Variants in DCP1A observed in about 807,000 individuals in gnomAD.
DCP1A encodes the protein mRNA-decapping enzyme 1A.
A neutral mutation model predicts 58.0 loss-of-function variants in DCP1A; 20 were observed. The ratio of observed to expected loss-of-function variants is 0.34; its 90% CI spans 0.24 to 0.50. The LOEUF (loss-of-function observed/expected upper bound fraction) is 0.50, where lower values mean the gene tolerates loss of function less well. DCP1A is among the 20% of genes least tolerant of loss of function. DCP1A has a pLI of 0.98. For missense variants in DCP1A, 613 were observed against 712.2 expected, an observed-to-expected ratio of 0.86 and a Z score of 1.59; for synonymous variants, 285 against 275.1, an observed-to-expected ratio of 1.04 and a Z score of -0.36.
At chr3:53,345,074 G>T in intron 1 of DCP1A, 132 bp from the exon 2 acceptor site, 1 of 696,200 alleles carries the variant, frequency 1.4e-6, no homozygotes, top group Non-Finnish European at 2.4e-6. Flanking sequence ...AACCACTTTT[G>T]AACAGGTAAA....
chr3:53,293,934 G>A lies in DCP1A; in HGVS notation c.625-1107C>T, dbSNP rs573687590. ...GTAAGGGCCCCCCCACCGGACCCCC[G>A]CACACACACACACAAGGCAGAGTTG... is the stretch of plus-strand genomic sequence containing the variant. On this transcript the variant is annotated intron_variant, in intron 6 of 9. Coordinates refer to ENST00000610213, the MANE Select transcript of DCP1A (RefSeq NM_018403.7). 6.6e-5 allele frequency among the ~76,000 whole-genome samples: 10 copies of A among 151,768 alleles called. No individual in the cohort carries two copies. The East Asian group carries it at 1.2e-3, about 18-fold the overall frequency.
rs2106781510 is a variant in DCP1A at position 53,287,166 on chromosome 3, T to C, written c.*414A>G. 1 of 161,446 alleles carries C rather than the reference T, an allele frequency of 6.2e-6. No homozygotes were observed. Among genetic ancestry groups the C allele is most frequent in the African/African-American group, 2.4e-5 (1 of 41,758 alleles). 10.0% of individuals were successfully genotyped at this position (161,446 alleles called of 1,614,324 possible). On this transcript the variant is annotated 3_prime_UTR_variant, in exon 10 of 10. Coordinates refer to ENST00000610213, the MANE Select transcript of DCP1A (RefSeq NM_018403.7). ...GACTTGTCAGCCCAAAGCCCGTTTC[T>C]ATGGGGTAGGCTGGGGGAAGCGGTG...
chr3:53,334,767 G>T (rs546235726), intron 3 of DCP1A, among the ~76,000 whole-genome samples: 1 of 152,148 alleles, frequency 6.6e-6, no homozygotes, highest in Non-Finnish European at 1.5e-5. Flanking sequence ...CCCGTCACGC[G>T]CTGCAAATGC....
At chr3:53,303,467 A>T (rs1407579020) in intron 6 of DCP1A, among the ~76,000 whole-genome samples, 2 of 146,766 alleles carry the variant, frequency 1.4e-5, no homozygotes. Flanking sequence ...GGGTTTCGTC[A>T]ATTGGCCAGG....
At chr3:53,307,570 G>GA (rs1429870292) in intron 5 of DCP1A, among the ~76,000 whole-genome samples, 7 of 152,130 alleles carry the variant, frequency 4.6e-5, no homozygotes, top group Non-Finnish European at 8.8e-5. Context: ...GTACTTTAAT[G>GA]AAAGTTCTCA....
chr3:53,302,677 C>T (rs1707348032), intron 6 of DCP1A, among the ~76,000 whole-genome samples: 2 of 152,160 alleles, frequency 1.3e-5, no homozygotes, highest in South Asian at 2.1e-4. Context: ...GGCTGGAGTG[C>T]AGTGGCGCAA....
chr3:53,292,143 G>A lies in DCP1A; in HGVS notation c.1309C>T (p.Pro437Ser). 6.2e-7 allele frequency: 1 copy of A among 1,613,892 alleles called. No individual in the cohort carries two copies. The highest frequency in any genetic ancestry group is 8.5e-7 in the Non-Finnish European group (1 of 1,179,888). Residue 437 changes from proline (P) to serine (S), a missense_variant, in exon 7 of 10, where the codon CCT becomes TCT. Pro to Ser is a moderately conservative substitution (Grantham distance 74). Coordinates refer to ENST00000610213, the MANE Select transcript of DCP1A (RefSeq NM_018403.7). Reference protein sequence around the residue: ...QLATPESFIEPPSKTAAARVA... With the variant: ...QLATPESFIESPSKTAAARVA... ...CTTGCTGCTGCTGTCTTAGAGGGAG[G>A]CTCTATGAAGCTCTCAGGTGTGGCT... is the stretch of plus-strand genomic sequence containing the variant.
chr3:53,337,119 G>A (rs935302635), intron 3 of DCP1A, among the ~76,000 whole-genome samples: 6 of 152,022 alleles, frequency 3.9e-5, no homozygotes, highest in African/African-American at 9.7e-5. Context: ...TGATCCACCC[G>A]CCTTGGCCTC....
At chr3:53,333,736 T>A (rs1309175468) in intron 3 of DCP1A, among the ~76,000 whole-genome samples, 1 of 152,250 alleles carries the variant, frequency 6.6e-6, no homozygotes, top group Non-Finnish European at 1.5e-5. Flanking sequence ...AGTTTGCAAT[T>A]CTGACATATA....
intron 3 of DCP1A, among the ~76,000 whole-genome samples, chr3:53,328,110 A>T (rs1355521770): frequency 1.3e-5 from 2 of 151,824 alleles, no homozygotes; most frequent in Non-Finnish European, 2.9e-5. Flanking sequence ...ACAAGAGCAA[A>T]ACTCCGTCTC....
At chr3:53,338,192 C>T in intron 3 of DCP1A, 2 of 433,882 alleles carry the variant, frequency 4.6e-6, no homozygotes, top group Non-Finnish European at 4.6e-6. Context: ...ACCACTGCTA[C>T]TCAATAACTC....
chr3:53,300,894 T>A (rs1417265830), intron 6 of DCP1A, among the ~76,000 whole-genome samples: 1 of 152,156 alleles, frequency 6.6e-6, no homozygotes, highest in African/African-American at 2.4e-5. Flanking sequence ...GGGATCCGCC[T>A]GCCTCCACTT....
intron 5 of DCP1A, among the ~76,000 whole-genome samples, chr3:53,305,685 G>T (rs189663845): frequency 2.4e-4 from 36 of 152,064 alleles, no homozygotes; most frequent in Admixed American, 3.9e-4. Flanking sequence ...ACCTAGGAGT[G>T]GTACTTCTTG....
chr3:53,301,146 G>T (rs1470936099), intron 6 of DCP1A, among the ~76,000 whole-genome samples: 1 of 152,144 alleles, frequency 6.6e-6, no homozygotes, highest in Non-Finnish European at 1.5e-5. Context: ...AGTAAAAATG[G>T]GGTATGGGAA....
At chr3:53,296,861 G>A (rs1210724906) in intron 6 of DCP1A, among the ~76,000 whole-genome samples, 1 of 152,212 alleles carries the variant, frequency 6.6e-6, no homozygotes, top group Non-Finnish European at 1.5e-5. Flanking sequence ...GGAAGTATCT[G>A]TTTGAATGTC....
intron 1 of DCP1A, among the ~76,000 whole-genome samples, chr3:53,345,323 T>C (rs954261222): frequency 6.6e-6 from 1 of 152,186 alleles, no homozygotes; most frequent in Non-Finnish European, 1.5e-5. Flanking sequence ...TTTAAGTTTA[T>C]CCAAGTTAAT....
At chr3:53,312,171 G>GTC in intron 5 of DCP1A, 70 bp downstream of exon 5, 1 of 1,472,270 alleles carries the variant, frequency 6.8e-7, no homozygotes, top group Non-Finnish European at 9.1e-7. Context: ...TAGTAAAATA[G>GTC]TCTCCTGCAG....
At chr3:53,299,473 C>A (rs115053907) in intron 6 of DCP1A, among the ~76,000 whole-genome samples, 10 of 152,260 alleles carry the variant, frequency 6.6e-5, no homozygotes, top group Non-Finnish European at 1.2e-4. Flanking sequence ...TCTTCAGCAT[C>A]AGGTTTAATA....
At chr3:53,340,245 A>G (rs946132105) in intron 3 of DCP1A, among the ~76,000 whole-genome samples, 11 of 152,200 alleles carry the variant, frequency 7.2e-5, no homozygotes, top group Non-Finnish European at 1.6e-4. Flanking sequence ...CTTTAATGGA[A>G]TATTCAGTAC....
Sources: allele counts gnomAD v4.1 joint callset (sites outside exome capture counted in the v4.1 genomes callset), GRCh38; gene constraint gnomAD v4.1.1; transcripts MANE v1.5; gene names NCBI Gene and HGNC (gene_info 2026-07-23, HGNC 2026-07-21).